Variants in NRP1 observed in about 807,000 individuals in gnomAD.
The protein encoded by NRP1 is neuropilin 1.
Under a neutral mutation model 106.7 loss-of-function variants are expected in NRP1, and 35 were observed. The ratio of observed to expected loss-of-function variants is 0.33; its 90% CI spans 0.25 to 0.43. NRP1 has a LOEUF of 0.43. Ranked by LOEUF, NRP1 falls within the 20% of genes least tolerant of loss-of-function variation. The pLI is 1.00. For synonymous variants in NRP1, 437 were observed against 417.9 expected (o/e 1.05, Z -0.56); for missense variants, 1,024 against 1,170.4 (o/e 0.87, Z 1.83).
intron 8 of NRP1, among the ~76,000 whole-genome samples, chr10:33,216,882 G>T (rs1191337217): frequency 6.6e-6 from 1 of 151,982 alleles, no homozygotes; most frequent in South Asian, 2.1e-4. Flanking sequence ...CATAGTATTT[G>T]CTCAACAAAT....
chr10:33,215,414 T>G (rs1401987183), intron 8 of NRP1, among the ~76,000 whole-genome samples: 1 of 152,194 alleles, frequency 6.6e-6, no homozygotes, highest in African/African-American at 2.4e-5. Context: ...TCAAAGGCAA[T>G]GAACAGCATC....
intron 2 of NRP1, among the ~76,000 whole-genome samples, chr10:33,291,313 G>T (rs1844978110): frequency 6.6e-6 from 1 of 152,148 alleles, no homozygotes; most frequent in African/African-American, 2.4e-5. Flanking sequence ...AATTTAACTT[G>T]CCCAATCCCC....
intron 12 of NRP1, chr10:33,194,556 T>C (rs563034707): frequency 4.7e-5 from 14 of 300,882 alleles, no homozygotes; most frequent in African/African-American, 2.8e-4. Context: ...ACTTCTCGCT[T>C]CAGAGAATGA....
At chr10:33,256,557 A>C (rs1842211779) in intron 4 of NRP1, 86 bp from the exon 5 acceptor site, 2 of 1,437,240 alleles carry the variant, frequency 1.4e-6, no homozygotes, top group African/African-American at 2.8e-5. Flanking sequence ...GATGGGCCCC[A>C]GTAGAACCCA....
At chr10:33,180,427 GA>G in intron 16 of NRP1, 62 bp from the exon 17 acceptor site, 2 of 1,477,178 alleles carry the variant, frequency 1.4e-6, no homozygotes, top group Non-Finnish European at 1.8e-6. Context: ...AAAGCAGACA[GA>G]AAAATAGAAA....
chr10:33,329,800 G>A (rs947951303), intron 2 of NRP1, among the ~76,000 whole-genome samples: 3 of 152,252 alleles, frequency 2.0e-5, no homozygotes, highest in East Asian at 3.8e-4. Flanking sequence ...ACAAGACAGA[G>A]ACAGGGGGTC....
chr10:33,264,441 C>T (rs1842783099), intron 3 of NRP1, among the ~76,000 whole-genome samples: 2 of 152,032 alleles, frequency 1.3e-5, no homozygotes, highest in Non-Finnish European at 2.9e-5. Flanking sequence ...GGTGTTGACA[C>T]AGGTGGGCCG....
chr10:33,329,883 C>T (rs527788899), intron 2 of NRP1, among the ~76,000 whole-genome samples: 91 of 152,206 alleles, frequency 6.0e-4, no homozygotes, highest in South Asian at 2.1e-4. Context: ...AACATACTTT[C>T]GATACTGTGG....
chr10:33,230,351 C>T (rs34075005), intron 6 of NRP1, among the ~76,000 whole-genome samples: 1,750 of 152,262 alleles, frequency 0.011, 24 homozygotes, highest in Non-Finnish European at 0.017. Context: ...CAAAATTTGC[C>T]ACTTTGGCAT....
At chr10:33,255,161 TA>T (rs1323619063) in intron 5 of NRP1, among the ~76,000 whole-genome samples, 1 of 152,220 alleles carries the variant, frequency 6.6e-6, no homozygotes, top group Non-Finnish European at 1.5e-5. Flanking sequence ...CAATAACAGA[TA>T]AGGTTTTAGG....
intron 2 of NRP1, among the ~76,000 whole-genome samples, chr10:33,274,536 G>A (rs557440855): frequency 4.3e-4 from 65 of 152,288 alleles, no homozygotes; most frequent in African/African-American, 1.4e-3. Flanking sequence ...GGTTTCTGAG[G>A]CTTTATAGGT....
chr10:33,236,518 G>C lies in NRP1; in HGVS notation c.982-10229C>G, dbSNP rs117835537. 8.9e-4 allele frequency among the ~76,000 whole-genome samples: 136 copies of C among 152,314 alleles called. 3 individuals are homozygous for C. In the East Asian group the frequency reaches 0.026, roughly 29 times the overall value. ...TATTCGTCTAGTAGAAGACCGAGAG[G>C]GTAGGAATTGCATGGGTTAGGTAGG... On this transcript the variant is annotated intron_variant, in intron 6 of 16. Transcript: ENST00000374867.
Position 33,289,934 on chromosome 10 carries a change from A to C in NRP1, c.249-19078T>G, listed in dbSNP as rs149858776. Among the ~76,000 whole-genome samples the C allele has an allele frequency of 4.1e-4, 62 of 152,316 alleles. No individual in the cohort carries two copies. The East Asian group carries it at 0.011, about 27-fold the overall frequency. ...GACAGACTACTTGTTCCTTCATTTGAATTTCAAATTCTTATCTATAAATGC... is the reference window on the plus strand; with the variant it reads ...GACAGACTACTTGTTCCTTCATTTGCATTTCAAATTCTTATCTATAAATGC... On this transcript the variant is annotated intron_variant, in intron 2 of 16. Coordinates refer to ENST00000374867, the MANE Select transcript of NRP1 (RefSeq NM_003873.7).
At chr10:33,253,609 C>T (rs1023845367) in intron 6 of NRP1, among the ~76,000 whole-genome samples, 3 of 152,100 alleles carry the variant, frequency 2.0e-5, no homozygotes, top group Non-Finnish European at 4.4e-5. Flanking sequence ...ATTTCATACA[C>T]GTCTATAAAC....
chr10:33,229,965 A>G (rs966379042), intron 6 of NRP1, among the ~76,000 whole-genome samples: 2 of 152,124 alleles, frequency 1.3e-5, no homozygotes, highest in Non-Finnish European at 2.9e-5. Context: ...TCTCCCTAAG[A>G]TTATTGCCAG....
chr10:33,296,610 G>A (rs955156313), intron 2 of NRP1, among the ~76,000 whole-genome samples: 2 of 152,162 alleles, frequency 1.3e-5, no homozygotes, highest in African/African-American at 4.8e-5. Context: ...GATGGGAAAA[G>A]GTAATTTGGC....
At chr10:33,207,749 A>G (rs761107393) in intron 9 of NRP1, 33 bp from the exon 10 acceptor site, 56 of 1,289,750 alleles carry the variant, frequency 4.3e-5, no homozygotes, top group Non-Finnish European at 5.6e-5. Flanking sequence ...GGCATTAAGG[A>G]AAAAAAAAAA....
chr10:33,199,445 C>G (rs1279762333), intron 11 of NRP1, among the ~76,000 whole-genome samples: 2 of 111,370 alleles, frequency 1.8e-5, no homozygotes, highest in Non-Finnish European at 3.4e-5. Flanking sequence ...ATCTCACTGT[C>G]TGGCCCAGGC....
At chr10:33,292,785 C>T (rs999455289) in intron 2 of NRP1, among the ~76,000 whole-genome samples, 1 of 152,132 alleles carries the variant, frequency 6.6e-6, no homozygotes. Context: ...GTCAGAAGTT[C>T]GAGACCAGCC....
Sources: allele counts gnomAD v4.1 joint callset (sites outside exome capture counted in the v4.1 genomes callset), GRCh38; gene constraint gnomAD v4.1.1; transcripts MANE v1.5; gene names NCBI Gene and HGNC (gene_info 2026-07-23, HGNC 2026-07-21).